NCAM1: variants seen among roughly 807,000 people sequenced by gnomAD.
NCAM1 encodes the protein antigen recognized by monoclonal antibody 5.1H11.
NCAM1 carries 14 observed loss-of-function variants against 109.8 expected under a neutral mutation model. The observed-to-expected ratio is 0.13, with a 90% CI of 0.08 to 0.20. The LOEUF (loss-of-function observed/expected upper bound fraction) is 0.20, where lower values mean the gene tolerates loss of function less well. NCAM1 is among the 10% of genes least tolerant of loss of function. NCAM1 has a pLI of 1.00. For synonymous variants in NCAM1, 418 were observed against 442.9 expected (o/e 0.94, Z 0.70); for missense variants, 774 against 1,109.9 (o/e 0.70, Z 4.30).
At chr11:112,977,604 C>A (rs1951040056) in intron 1 of NCAM1, among the ~76,000 whole-genome samples, 1 of 151,784 alleles carries the variant, frequency 6.6e-6, no homozygotes, top group Non-Finnish European at 1.5e-5. Context: ...ACATTGGAAT[C>A]AATAGTTGAC....
chr11:113,019,125 C>G (rs1040294694), intron 1 of NCAM1, among the ~76,000 whole-genome samples: 1 of 152,116 alleles, frequency 6.6e-6, no homozygotes, highest in African/African-American at 2.4e-5. Context: ...TGTCACTATA[C>G]TGACAGCTGT....
At chr11:113,068,350 C>A (rs1175360443) in intron 1 of NCAM1, among the ~76,000 whole-genome samples, 2 of 152,114 alleles carry the variant, frequency 1.3e-5, no homozygotes, top group Non-Finnish European at 2.9e-5. Context: ...CATCGGTTTC[C>A]TCGGCTTTTG....
chr11:113,127,331 C>A (rs1254016922), intron 1 of NCAM1, among the ~76,000 whole-genome samples: 1 of 152,186 alleles, frequency 6.6e-6, no homozygotes, highest in East Asian at 1.9e-4. Context: ...TCTGCAAAAC[C>A]TCCGTGTCCA....
chr11:112,964,140 G>GTTTTTTTTTTTTTTTT (rs1254307069), intron 1 of NCAM1, among the ~76,000 whole-genome samples: 32 of 72,898 alleles, frequency 4.4e-4, no homozygotes, highest in Admixed American at 6.2e-4. Flanking sequence ...TTTTTTTTTT[G>GTTTTTTTTTTTTTTTT]TTTTTTTTTT....
At chr11:113,205,872 A>G (rs1398967826) in intron 4 of NCAM1, among the ~76,000 whole-genome samples, 171 bp from the exon 5 acceptor site, 2 of 152,192 alleles carry the variant, frequency 1.3e-5, no homozygotes, top group Admixed American at 6.5e-5. Flanking sequence ...ACAAATTTCT[A>G]ATAGACATTT....
At chr11:113,092,357 A>G (rs981590299) in intron 1 of NCAM1, among the ~76,000 whole-genome samples, 1 of 152,048 alleles carries the variant, frequency 6.6e-6, no homozygotes, top group Non-Finnish European at 1.5e-5. Flanking sequence ...CTCCCTCTCA[A>G]CTGAAAGATG....
intron 1 of NCAM1, among the ~76,000 whole-genome samples, chr11:113,025,607 G>T (rs1185018897): frequency 6.6e-6 from 1 of 151,968 alleles, no homozygotes; most frequent in African/African-American, 2.4e-5. Flanking sequence ...AGAGAAGGGG[G>T]TGGGTGAACA....
chr11:113,190,333 A>G (rs1555109620), intron 1 of NCAM1, among the ~76,000 whole-genome samples: 1 of 152,222 alleles, frequency 6.6e-6, no homozygotes, highest in Non-Finnish European at 1.5e-5. Flanking sequence ...TAGCCTGAGG[A>G]CTGTTAACTA....
In NCAM1 at chr11:113,274,646, G is replaced by C. The variant is rs56937925; in HGVS notation, c.2457-621G>C. Among the ~76,000 whole-genome samples, 358 of 152,232 alleles carry C rather than the reference G, an allele frequency of 2.4e-3. 3 individuals carry two copies. Among genetic ancestry groups the C allele is most frequent in the African/African-American group, 8.1e-3 (338 of 41,532 alleles). ...GCCCACTCAGCTGCCCTCAACTCTC[G>C]CATAGCCACCAGGCCCACTCTAGTA... On this transcript the variant is annotated intron_variant, in intron 19 of 19. Transcript: ENST00000316851. This position sits in a 1 kb window ranked among gnomAD's most constrained non-coding sequence, Gnocchi z 4.1.
chr11:113,127,355 T>C (rs1941219179), intron 1 of NCAM1, among the ~76,000 whole-genome samples: 1 of 152,192 alleles, frequency 6.6e-6, no homozygotes, highest in Non-Finnish European at 1.5e-5. Flanking sequence ...CTGCCTGCCA[T>C]AGGGAGCTAG....
intron 1 of NCAM1, among the ~76,000 whole-genome samples, chr11:113,097,526 G>C (rs1565434367): frequency 6.6e-6 from 1 of 151,492 alleles, no homozygotes; most frequent in Admixed American, 6.6e-5. Flanking sequence ...GAATGATCTG[G>C]TTACCTGTAG....
At chr11:113,235,442 T>G in intron 14 of NCAM1, 2 of 692,888 alleles carry the variant, frequency 2.9e-6, no homozygotes, top group Admixed American at 3.7e-5. Flanking sequence ...CAACACATTA[T>G]TAAAGGAAGT....
At position 113,224,858 on chromosome 11, in the gene NCAM1, C is replaced by A. The variant is rs185699729; in HGVS notation, c.1089+3533C>A. Among the ~76,000 whole-genome samples, 152 of 152,336 alleles carry A rather than the reference C, an allele frequency of 1.0e-3. 1 individual carries two copies. Among genetic ancestry groups the A allele is most frequent in the African/African-American group, 2.7e-3 (113 of 41,588 alleles). ...TGAGCTCTGGCAAACTCCGACAGAC[C>A]TGCAGCTGAGGGTCCTGACTGTTAG... On this transcript the variant is annotated intron_variant, in intron 9 of 19. Coordinates refer to ENST00000316851, the MANE Select transcript of NCAM1 (RefSeq NM_181351.5).
chr11:113,081,200 C>T (rs782811487), intron 1 of NCAM1, among the ~76,000 whole-genome samples: 11 of 152,142 alleles, frequency 7.2e-5, no homozygotes, highest in African/African-American at 1.2e-4. Flanking sequence ...ACTGCCTACC[C>T]GCTGCGCTTA....
At chr11:113,270,010 A>G (rs965590759) in intron 17 of NCAM1, 178 bp from the exon 18 acceptor site, 1 of 635,750 alleles carries the variant, frequency 1.6e-6, no homozygotes, top group African/African-American at 1.8e-5. Context: ...GAAGGTATAG[A>G]AAGACCCTGT....
At chr11:113,170,846 C>T (rs769542092) in intron 1 of NCAM1, among the ~76,000 whole-genome samples, 25 of 152,186 alleles carry the variant, frequency 1.6e-4, no homozygotes, top group Non-Finnish European at 3.1e-4. Flanking sequence ...CTTCCAATAC[C>T]GCTAAAAGCT....
intron 15 of NCAM1, among the ~76,000 whole-genome samples, chr11:113,249,365 A>G (rs1455783926): frequency 6.6e-6 from 1 of 152,140 alleles, no homozygotes; most frequent in East Asian, 1.9e-4. Context: ...TTCCTAGGGT[A>G]GAGAGTCAGT....
intron 1 of NCAM1, among the ~76,000 whole-genome samples, chr11:112,992,075 G>A (rs1241569449): frequency 6.6e-6 from 1 of 152,124 alleles, no homozygotes; most frequent in Non-Finnish European, 1.5e-5. Flanking sequence ...TGGAGAAAAC[G>A]GGAGAGAGGA....
At chr11:112,972,939 A>G (rs930991719) in intron 1 of NCAM1, among the ~76,000 whole-genome samples, 16 of 152,134 alleles carry the variant, frequency 1.1e-4, no homozygotes, top group African/African-American at 3.6e-4. Context: ...CACGGAAAAG[A>G]GCCAGAGGGA....
Sources: gnomAD v4.1 joint callset for allele counts (sites outside exome capture counted in the v4.1 genomes callset) on GRCh38, gnomAD v4.1.1 for gene constraint, Gnocchi (gnomAD v3.1) non-coding constraint, MANE v1.5 for transcripts, NCBI Gene and HGNC (gene_info 2026-07-23, HGNC 2026-07-21) for gene names.